Variants in MAPDA observed in about 807,000 individuals in gnomAD.
MAPDA encodes N6,N6-dimethyl-AMP deaminase.
the MAPDA span, chr15:43,335,283 C>T: frequency 8.7e-7 from 1 of 1,155,636 alleles, no homozygotes; most frequent in African/African-American, 1.6e-5. Context: ...GCCTGAAATT[C>T]TGGCGCTTTG....
the MAPDA span, among the ~76,000 whole-genome samples, chr15:43,344,329 T>G: frequency 6.6e-6 from 1 of 152,176 alleles, no homozygotes; most frequent in Admixed American, 6.5e-5. Flanking sequence ...ATTTATACTA[T>G]TTTCTAACAT....
chr15:43,342,457 A>G, the MAPDA span, among the ~76,000 whole-genome samples: 1 of 151,694 alleles, frequency 6.6e-6, no homozygotes, highest in Non-Finnish European at 1.5e-5. Context: ...AAAAAAAAAA[A>G]AAAAAAAAAG....
At chr15:43,341,998 T>C in the MAPDA span, among the ~76,000 whole-genome samples, 43,449 of 151,812 alleles carry the variant, frequency 0.29, 9,939 homozygotes, top group African/African-American at 0.63. Flanking sequence ...GCCACCACAC[T>C]TGGCTCATTT....
the MAPDA span, chr15:43,333,438 T>A: frequency 6.6e-6 from 1 of 151,812 alleles, no homozygotes; most frequent in African/African-American, 2.4e-5. Flanking sequence ...AAAAAAGGTA[T>A]GTTTTTCCAT....
the MAPDA span, among the ~76,000 whole-genome samples, chr15:43,341,194 G>A: frequency 5.3e-5 from 8 of 152,042 alleles, no homozygotes; most frequent in African/African-American, 1.9e-4. Flanking sequence ...ATCATTTGGG[G>A]GTAAAATTTT....
the MAPDA span, among the ~76,000 whole-genome samples, chr15:43,344,544 C>G: frequency 6.6e-6 from 1 of 152,106 alleles, no homozygotes. Context: ...CACAGTGGCT[C>G]ATGCCTGTAA....
the MAPDA span, chr15:43,336,507 A>G: frequency 2.7e-6 from 2 of 728,468 alleles, no homozygotes; most frequent in East Asian, 3.3e-5. Context: ...TGAAACATCT[A>G]TTCTGTAGTT....
chr15:43,347,106 A>G, the MAPDA span: 2 of 1,605,918 alleles, frequency 1.2e-6, no homozygotes, highest in Non-Finnish European at 1.7e-6. Flanking sequence ...GGTAAATAAT[A>G]TTGTCTTAGG....
At chr15:43,335,647 C>T in the MAPDA span, 4 of 1,552,242 alleles carry the variant, frequency 2.6e-6, no homozygotes, top group Admixed American at 4.1e-5. Flanking sequence ...TGGTAAGATG[C>T]TATGAATCTA....
the MAPDA span, among the ~76,000 whole-genome samples, chr15:43,338,724 G>A: frequency 1.3e-5 from 2 of 152,242 alleles, no homozygotes; most frequent in African/African-American, 4.8e-5. Flanking sequence ...ACTACCTGCT[G>A]CACATCACAG....
the MAPDA span, chr15:43,332,414 A>G: frequency 6.6e-6 from 1 of 152,226 alleles, no homozygotes; most frequent in East Asian, 1.9e-4. Flanking sequence ...AGGACTTTGA[A>G]AAATACGTAG....
At chr15:43,344,728 C>T in the MAPDA span, among the ~76,000 whole-genome samples, 1 of 151,692 alleles carries the variant, frequency 6.6e-6, no homozygotes, top group Non-Finnish European at 1.5e-5. Context: ...ATTGCTTGAA[C>T]CCGGGAGGTG....
At chr15:43,353,768 C>T in the MAPDA span, 1 of 152,162 alleles carries the variant, frequency 6.6e-6, no homozygotes, top group African/African-American at 2.4e-5. Flanking sequence ...ATATGGAGGT[C>T]CCTAGAGGGT....
At chr15:43,352,062 T>C in the MAPDA span, 1 of 1,029,636 alleles carries the variant, frequency 9.7e-7, no homozygotes, top group Non-Finnish European at 1.4e-6. Flanking sequence ...CCTTGGGCTC[T>C]ATCACCAGCA....
the MAPDA span, chr15:43,343,123 G>C: frequency 1.5e-6 from 2 of 1,326,486 alleles, no homozygotes; most frequent in South Asian, 2.9e-5. Flanking sequence ...ACCAGAATGT[G>C]AATTTTTACT....
chr15:43,351,171 C>T, the MAPDA span: 107 of 851,394 alleles, frequency 1.3e-4, no homozygotes, highest in African/African-American at 8.5e-5. Context: ...TAGAAGGGAC[C>T]GGGGTGTGGC....
chr15:43,345,995 C>T, the MAPDA span: 1 of 1,613,328 alleles, frequency 6.2e-7, no homozygotes, highest in Admixed American at 1.7e-5. Context: ...GTTATTTTTC[C>T]TACGTACATT....
the MAPDA span, chr15:43,340,483 T>C: frequency 4.3e-6 from 3 of 694,988 alleles, no homozygotes; most frequent in African/African-American, 1.8e-5. Context: ...ATTGAACCTT[T>C]AGTCAACAGT....
At chr15:43,352,357 T>C in the MAPDA span, 48 of 155,634 alleles carry the variant, frequency 3.1e-4, no homozygotes, top group African/African-American at 1.2e-3. Context: ...TATTTTATTG[T>C]GCATACTTTA....
Sources: gnomAD v4.1 joint callset for allele counts (sites outside exome capture counted in the v4.1 genomes callset) on GRCh38, gnomAD v4.1.1 for gene constraint, MANE v1.5 for transcripts, NCBI Gene and HGNC (gene_info 2026-07-23, HGNC 2026-07-21) for gene names.